Variants in IL10RB observed in about 807,000 individuals in gnomAD.
IL10RB encodes the protein interleukin-10 receptor subunit beta.
In IL10RB, 30 loss-of-function variants were observed where a neutral mutation model predicts 38.7. The ratio of observed to expected loss-of-function variants is 0.78; its 90% CI spans 0.58 to 1.05. The LOEUF (loss-of-function observed/expected upper bound fraction) is 1.05, where lower values mean the gene tolerates loss of function less well. Among genes scored for constraint, IL10RB ranks in the 50% least tolerant of loss-of-function variants. The probability of loss-of-function intolerance (pLI) is 0.00; values close to 1 mark genes in which losing one functional copy is unlikely to be tolerated. For synonymous variants in IL10RB, 142 were observed against 145.9 expected (o/e 0.97, Z 0.19); for missense variants, 328 against 397.1 (o/e 0.83, Z 1.48).
downstream of IL10RB, among the ~76,000 whole-genome samples, chr21:33,302,003 G>A (rs534638811): frequency 6.6e-6 from 1 of 152,182 alleles, no homozygotes; most frequent in Non-Finnish European, 1.5e-5. Context: ...CGACACAGGT[G>A]ACAGGATGCT....
At position 33,305,801 on chromosome 21, in the gene IL10RB, G is replaced by A. The variant is rs116712949; in HGVS notation, c.130-3175G>A. The stretch of plus-strand genomic sequence containing the variant: ...TGGTGGAACCCACCCAAAGTCAGAG[G>A]GTAAAGGACTCTGCTGATGAATTTT... On this transcript the variant is annotated intron_variant, in intron 1 of 1. Transcript: ENST00000609556. 6.3e-3 allele frequency among the ~76,000 whole-genome samples: 961 copies of A among 152,044 alleles called. 13 individuals are homozygous for A. Among genetic ancestry groups the A allele is most frequent in the African/African-American group, 0.022 (923 of 41,464 alleles).
At chr21:33,279,678 T>C in intron 3 of IL10RB, 74 bp from the exon 4 acceptor site, 3 of 1,274,192 alleles carry the variant, frequency 2.4e-6, no homozygotes, top group East Asian at 2.3e-5. Context: ...TTGTTCTGCA[T>C]GGTTATGAAA....
At chr21:33,279,991 A>G (rs1989251466) in intron 4 of IL10RB, 73 bp downstream of exon 4, 1 of 1,330,738 alleles carries the variant, frequency 7.5e-7, no homozygotes, top group East Asian at 2.3e-5. Context: ...AGGTGGCAGC[A>G]CCTTATGGAC....
At chr21:33,271,861 G>T (rs1180214455) in intron 2 of IL10RB, among the ~76,000 whole-genome samples, 1 of 152,186 alleles carries the variant, frequency 6.6e-6, no homozygotes, top group Non-Finnish European at 1.5e-5. Context: ...GGGGGCCAAG[G>T]TAGGATAATC....
chr21:33,305,868 G>C (rs7282001), intron 1 of IL10RB, among the ~76,000 whole-genome samples: 2,890 of 152,076 alleles, frequency 0.019, 91 homozygotes, highest in African/African-American at 0.067. Context: ...GTCTTGCTCT[G>C]TTGCTCAGGC....
downstream of IL10RB, among the ~76,000 whole-genome samples, chr21:33,297,531 G>A (rs1338177486): frequency 2.6e-5 from 4 of 152,240 alleles, no homozygotes; most frequent in Admixed American, 2.6e-4. Context: ...AGCAAAAAAG[G>A]GAGTCTCCAG....
intron 1 of IL10RB, among the ~76,000 whole-genome samples, chr21:33,305,917 C>T (rs1462854534): frequency 6.6e-6 from 1 of 152,102 alleles, no homozygotes; most frequent in Non-Finnish European, 1.5e-5. Context: ...CTGCAATCTC[C>T]ACCTCCCAGG....
chr21:33,299,804 G>A (rs1241215409), downstream of IL10RB, among the ~76,000 whole-genome samples: 1 of 152,260 alleles, frequency 6.6e-6, no homozygotes, highest in African/African-American at 2.4e-5. Context: ...AACAGCTGCT[G>A]TAGCAGAGCA....
At chr21:33,279,433 CAA>C (rs1322555580) in intron 3 of IL10RB, among the ~76,000 whole-genome samples, 1 of 151,826 alleles carries the variant, frequency 6.6e-6, no homozygotes, top group Admixed American at 6.6e-5. Context: ...GAGAAGACAC[CAA>C]AAACATAAAA....
chr21:33,274,837 TAA>T (rs1352625151), intron 2 of IL10RB, among the ~76,000 whole-genome samples: 1 of 152,228 alleles, frequency 6.6e-6, no homozygotes, highest in Non-Finnish European at 1.5e-5. Flanking sequence ...GGCTTCAACT[TAA>T]AGTCACCAGC....
downstream of IL10RB, among the ~76,000 whole-genome samples, chr21:33,302,133 C>T (rs1367934117): frequency 3.3e-5 from 5 of 152,228 alleles, no homozygotes; most frequent in East Asian, 5.8e-4. Flanking sequence ...TGGCTAGGAC[C>T]TGAGGATGCC....
rs8178481 is a variant in IL10RB, at chr21:33,278,428, C to T, written c.332-1324C>T. ...AGTTAGATTATATTTTCTAATGGTA[C>T]CTTTACAAAAACAAAGGAAAGATGA... On this transcript the variant is annotated intron_variant, in intron 3 of 6. Coordinates refer to ENST00000290200, the MANE Select transcript of IL10RB (RefSeq NM_000628.5). 3.4e-3 allele frequency among the ~76,000 whole-genome samples: 525 copies of T among 152,200 alleles called. 3 individuals are homozygous for T. The highest frequency in any genetic ancestry group is 0.012 in the African/African-American group (499 of 41,510).
intron 1 of IL10RB, among the ~76,000 whole-genome samples, chr21:33,266,919 T>G (rs1988963437): frequency 6.6e-6 from 1 of 151,892 alleles, no homozygotes; most frequent in South Asian, 2.1e-4. Context: ...AGTCCCCGAG[T>G]GCCCTGACAG....
rs781729452 is a variant in IL10RB at position 33,268,491 on chromosome 21, C to G, written c.147C>G (p.Asn49Lys). ...AGTCACCTGCTTTTGCCAAAGGGAACCTGACTTTCACAGCTCAGTACCTAA... is the reference window on the plus strand; with the variant it reads ...AGTCACCTGCTTTTGCCAAAGGGAAGCTGACTTTCACAGCTCAGTACCTAA... The part of the protein sequence containing the change: ...QWESPAFAKG[N>K]LTFTAQYLSY... The change falls in exon 2 of 7, where the codon AAC becomes AAG. Residue 49 changes from asparagine to lysine, a missense_variant. Coordinates refer to ENST00000290200, the MANE Select transcript of IL10RB (RefSeq NM_000628.5). 4 of 1,613,606 alleles carry G rather than the reference C, an allele frequency of 2.5e-6. No individual in the cohort carries two copies. The South Asian group carries it at 4.4e-5, about 18-fold the overall frequency.
intron 1 of IL10RB, among the ~76,000 whole-genome samples, chr21:33,302,646 A>C (rs529555533): frequency 1.3e-5 from 2 of 152,256 alleles, no homozygotes; most frequent in African/African-American, 4.8e-5. Flanking sequence ...AGTGAACAGG[A>C]GGGTGTGGAG....
Position 33,291,964 on chromosome 21 carries a change from G to A in IL10RB, c.804+3703G>A, listed in dbSNP as rs1989497196. Among the ~76,000 whole-genome samples the A allele has an allele frequency of 2.0e-5, 3 of 152,170 alleles. No homozygotes were observed. The South Asian group carries it at 6.2e-4, about 32-fold the overall frequency. On this transcript the variant is annotated intron_variant, in intron 6 of 6. Transcript: ENST00000290200. Reference sequence around the variant, plus strand: ...GCTGTGTTCATGAGCCCTGTGCCATGTACAGGTGACCAGTGGCAGAGGCTG... The same window carrying A: ...GCTGTGTTCATGAGCCCTGTGCCATATACAGGTGACCAGTGGCAGAGGCTG...
intron 3 of IL10RB, among the ~76,000 whole-genome samples, chr21:33,277,668 CTTT>C (rs1216043179): frequency 1.1e-5 from 1 of 92,978 alleles, no homozygotes; most frequent in Non-Finnish European, 2.1e-5. Context: ...TTCTTTCTTT[CTTT>C]TTTTTTTTTT....
chr21:33,291,417 C>A (rs1316452743), intron 6 of IL10RB, among the ~76,000 whole-genome samples: 2 of 152,142 alleles, frequency 1.3e-5, no homozygotes, highest in Non-Finnish European at 2.9e-5. Flanking sequence ...AGGTGCCCTC[C>A]ACCACGCCCG....
Position 33,267,201 on chromosome 21 carries a change from G to A in IL10RB, c.49+687G>A, listed in dbSNP as rs28385654. 7.0e-3 allele frequency among the ~76,000 whole-genome samples: 1,060 copies of A among 151,968 alleles called. 3 individuals carry two copies. Among genetic ancestry groups the A allele is most frequent in the Non-Finnish European group, 0.011 (739 of 67,980 alleles). ...CCTGGCCTTCCGGGATACCCCTCCG[G>A]TTTCCCGCCCTGTCAGGCTGTCTCT... On this transcript the variant is annotated intron_variant, in intron 1 of 6. Transcript: ENST00000290200.
Sources: allele counts gnomAD v4.1 joint callset (sites outside exome capture counted in the v4.1 genomes callset), GRCh38; gene constraint gnomAD v4.1.1; transcripts MANE v1.5; gene names NCBI Gene and HGNC (gene_info 2026-07-23, HGNC 2026-07-21).